FREM1: variants seen among roughly 807,000 people sequenced by gnomAD.
The protein encoded by FREM1 is FRAS1 related extracellular matrix 1, also known as FRAS1-related extracellular matrix protein 1.
FREM1 carries 220 observed loss-of-function variants against 210.1 expected under a neutral mutation model. That is an observed-to-expected ratio of 1.05 (90% CI 0.94 to 1.17). The LOEUF is 1.17. Ranked by LOEUF, FREM1 falls within the 50% of genes most tolerant of loss-of-function variation. The probability of loss-of-function intolerance (pLI) is 0.00; values close to 1 mark genes in which losing one functional copy is unlikely to be tolerated. For missense variants in FREM1, 3,454 were observed against 2,675.5 expected (o/e 1.29, Z -6.42); for synonymous variants, 1,189 against 980.2 (o/e 1.21, Z -3.98).
intron 35 of FREM1, among the ~76,000 whole-genome samples, chr9:14,745,126 G>C (rs1842189308): frequency 6.6e-6 from 1 of 152,164 alleles, no homozygotes; most frequent in Non-Finnish European, 1.5e-5. Flanking sequence ...TTTGGAAAGT[G>C]AGAGGAGGAA....
At position 14,761,764 on chromosome 9, in the gene FREM1, C is replaced by T. The variant is rs1230712764; in HGVS notation, c.5205-1863G>A. The stretch of plus-strand genomic sequence containing the variant: ...GTCCAGCACATCCACACAGTAGATG[C>T]TACCTGCCCATTAGTCACTCTGTAG... On this transcript the variant is annotated intron_variant, in intron 27 of 36. Coordinates refer to ENST00000380880, the MANE Select transcript of FREM1 (RefSeq NM_001379081.2). 2.6e-5 allele frequency among the ~76,000 whole-genome samples: 4 copies of T among 152,292 alleles called. No homozygotes were observed. The South Asian group carries it at 8.3e-4, about 32-fold the overall frequency.
chr9:14,892,485 TAG>T (rs903637623), intron 1 of FREM1, among the ~76,000 whole-genome samples: 5 of 152,124 alleles, frequency 3.3e-5, no homozygotes, highest in Non-Finnish European at 7.4e-5. Context: ...TTATGAAAGT[TAG>T]AGTCTTTCCT....
Position 14,831,649 on chromosome 9 carries a change from A to T in FREM1, c.1882-6657T>A, listed in dbSNP as rs192415651. On this transcript the variant is annotated intron_variant, in intron 10 of 36. Transcript: ENST00000380880. ...GGTAAATGCTTTAGCCTGGGCTATAATAGCAGGATACAGAGTTCAATCTAG... is the reference window on the plus strand; with the variant it reads ...GGTAAATGCTTTAGCCTGGGCTATATTAGCAGGATACAGAGTTCAATCTAG... 3.5e-3 allele frequency among the ~76,000 whole-genome samples: 529 copies of T among 152,388 alleles called. 1 individual carries two copies. Among genetic ancestry groups the T allele is most frequent in the Middle Eastern group, 0.014 (4 of 294 alleles).
chr9:14,835,921 G>T (rs942822883), intron 10 of FREM1, among the ~76,000 whole-genome samples: 4 of 152,124 alleles, frequency 2.6e-5, no homozygotes, highest in Non-Finnish European at 5.9e-5. Flanking sequence ...CTACGTTTTA[G>T]ACGAACCCTG....
chr9:14,868,906 G>T lies in FREM1; in HGVS notation c.72C>A (p.Thr24=). 6.2e-7 allele frequency: 1 copy of T among 1,605,822 alleles called. No homozygotes were observed. The highest frequency in any genetic ancestry group is 8.5e-7 in the Non-Finnish European group (1 of 1,176,612). Reference sequence around the variant, plus strand: ...TCACCCCGCGGTTGATGCTGATGAAGGTGGGGCTGGCCCAGGCCAGGAGGA... The same window carrying T: ...TCACCCCGCGGTTGATGCTGATGAATGTGGGGCTGGCCCAGGCCAGGAGGA... ...LLLLLAWASP[T]FISINRGVRV... Residue 24 remains threonine (T), a synonymous_variant, in exon 2 of 37, where the codon ACC becomes ACA. Coordinates refer to ENST00000380880, the MANE Select transcript of FREM1 (RefSeq NM_001379081.2).
intron 24 of FREM1, among the ~76,000 whole-genome samples, chr9:14,779,783 A>C (rs1333805971): frequency 1.3e-5 from 2 of 152,224 alleles, no homozygotes; most frequent in African/African-American, 4.8e-5. Context: ...TTCTGAGGCC[A>C]GCGCTCCTAT....
At chr9:14,880,158 G>C (rs1039895058) in intron 1 of FREM1, among the ~76,000 whole-genome samples, 2 of 152,142 alleles carry the variant, frequency 1.3e-5, no homozygotes, top group Non-Finnish European at 2.9e-5. Context: ...CCAGGAAGAG[G>C]TGATCTTGGA....
intron 30 of FREM1, among the ~76,000 whole-genome samples, chr9:14,749,511 A>T (rs948497534): frequency 1.3e-5 from 2 of 152,206 alleles, no homozygotes; most frequent in African/African-American, 4.8e-5. Flanking sequence ...TAAAAAGACA[A>T]GTAACTAAAA....
At chr9:14,800,280 G>A (rs1367660709) in intron 20 of FREM1, among the ~76,000 whole-genome samples, 1 of 152,140 alleles carries the variant, frequency 6.6e-6, no homozygotes, top group East Asian at 1.9e-4. Flanking sequence ...TGAAGGCACA[G>A]CCTTGGCTAG....
At chr9:14,745,159 T>G (rs1842195845) in intron 35 of FREM1, among the ~76,000 whole-genome samples, 1 of 152,114 alleles carries the variant, frequency 6.6e-6, no homozygotes, top group East Asian at 1.9e-4. Context: ...AAATCACTAA[T>G]GAGTAATAGG....
intron 1 of FREM1, among the ~76,000 whole-genome samples, chr9:14,886,998 A>C (rs1835937286): frequency 6.6e-6 from 1 of 152,082 alleles, no homozygotes; most frequent in Non-Finnish European, 1.5e-5. Context: ...CAAAGTTATT[A>C]ATATAAATCA....
chr9:14,760,905 A>G (rs1563856450), intron 27 of FREM1, among the ~76,000 whole-genome samples: 1 of 45,626 alleles, frequency 2.2e-5, no homozygotes, highest in African/African-American at 8.2e-5. Flanking sequence ...AAAAGACACA[A>G]GCAACCTTCA....
chr9:14,752,284 G>A (rs1843526530), intron 29 of FREM1, among the ~76,000 whole-genome samples: 1 of 152,108 alleles, frequency 6.6e-6, no homozygotes, highest in Middle Eastern at 3.2e-3. Context: ...GGCTTTAGAA[G>A]TGAAAGGATT....
In FREM1 at chr9:14,851,597, G is replaced by A. The variant is rs369523355; in HGVS notation, c.839C>T (p.Ala280Val). The A allele has an allele frequency of 5.6e-5, 91 of 1,611,758 alleles. No individual in the cohort carries two copies. Among genetic ancestry groups the A allele is most frequent in the South Asian group, 1.4e-4 (13 of 91,034 alleles). The change falls in exon 6 of 37, where the codon GCG (alanine) becomes GTG (valine). Residue 280 changes from alanine to valine, a missense_variant. By Grantham distance (64) the Ala-to-Val change is moderately conservative (BLOSUM62 0). Transcript: ENST00000380880. The part of the protein sequence containing the change: ...RSKIVYKSES[A>V]WLPVYIRAGI... ...AGCTCTGATATAGACAGGCAGCCAC[G>A]CACTCTCTGACTTTTGAAGGATAGA... is the stretch of plus-strand genomic sequence containing the variant.
chr9:14,828,097 G>A (rs1822821419), intron 10 of FREM1, among the ~76,000 whole-genome samples: 1 of 152,222 alleles, frequency 6.6e-6, no homozygotes, highest in South Asian at 2.1e-4. Flanking sequence ...GAGCCATGGG[G>A]TCAGGGCCAC....
intron 21 of FREM1, among the ~76,000 whole-genome samples, chr9:14,795,081 C>A (rs534325873): frequency 4.6e-5 from 7 of 151,644 alleles, no homozygotes; most frequent in African/African-American, 1.7e-4. Context: ...AAATGGAACT[C>A]TTCCAAAAAG....
chr9:14,840,231 G>C (rs559627396), intron 10 of FREM1, among the ~76,000 whole-genome samples: 2 of 152,188 alleles, frequency 1.3e-5, no homozygotes, highest in Non-Finnish European at 2.9e-5. Context: ...AGTCATTCTA[G>C]AACAGGTTGG....
intron 35 of FREM1, 66 bp downstream of exon 35, chr9:14,746,287 T>C (rs1408766250): frequency 8.3e-7 from 1 of 1,198,120 alleles, no homozygotes; most frequent in South Asian, 1.3e-5. Flanking sequence ...AGCTCTCCGC[T>C]TCCATGAGCA....
chr9:14,817,827 C>T (rs2130668604), intron 14 of FREM1, among the ~76,000 whole-genome samples: 1 of 152,274 alleles, frequency 6.6e-6, no homozygotes, highest in East Asian at 1.9e-4. Context: ...CTCCATGATC[C>T]TCTCACGCAC....
Sources: allele counts gnomAD v4.1 joint callset (sites outside exome capture counted in the v4.1 genomes callset), GRCh38; gene constraint gnomAD v4.1.1; transcripts MANE v1.5; gene names NCBI Gene and HGNC (gene_info 2026-07-23, HGNC 2026-07-21).